PROCA1: variants seen among roughly 807,000 people sequenced by gnomAD.
The protein encoded by PROCA1 is protein PROCA1.
In PROCA1, 22 loss-of-function variants were observed where a neutral mutation model predicts 23.2. The ratio of observed to expected loss-of-function variants is 0.95; its 90% CI spans 0.68 to 1.35. PROCA1 has a LOEUF of 1.35. PROCA1 is among the 40% of genes most tolerant of loss of function. PROCA1 has a pLI of 0.00. For synonymous variants in PROCA1, 182 were observed against 179.2 expected (o/e 1.02, Z -0.12); for missense variants, 469 against 459.8 (o/e 1.02, Z -0.18).
chr17:28,703,547 C>T lies in PROCA1; in HGVS notation c.*11G>A. 6.2e-7 allele frequency: 1 copy of T among 1,608,574 alleles called. No homozygotes were observed. The highest frequency in any genetic ancestry group is 8.5e-7 in the Non-Finnish European group (1 of 1,177,072). The stretch of plus-strand genomic sequence containing the variant: ...CGATGGCATTTATTCTGCACCCTGA[C>T]CACCCTGGCCTCAACTGAGGTTGGG... On this transcript the variant is annotated 3_prime_UTR_variant, in exon 5 of 5. Coordinates refer to ENST00000682792, the MANE Select transcript of PROCA1 (RefSeq NM_001366301.1).
At chr17:28,711,292 C>G in intron 1 of PROCA1, 1 of 595,936 alleles carries the variant, frequency 1.7e-6, no homozygotes, top group Non-Finnish European at 2.6e-6. Flanking sequence ...GCCGAGCGTT[C>G]CAGCTCTGGC....
In PROCA1 at chr17:28,704,159, T is replaced by G; in HGVS notation, c.494A>C (p.His165Pro). ...ATTTAGATCATCTGCCCCACACTCA[T>G]GGTAGAGTGGATGGTGGATCACTGC... ...SVAVIHHPLYHECGADDLNEE... is the reference protein window; with the variant it reads ...SVAVIHHPLYPECGADDLNEE... Residue 165 changes from histidine (H) to proline (P), a missense_variant, in exon 5 of 5, where the codon CAT becomes CCT. Physicochemically the swap from His to Pro is moderately conservative, Grantham distance 77. Transcript: ENST00000682792. 11 of 1,546,674 alleles carry G rather than the reference T, an allele frequency of 7.1e-6. No homozygotes were observed. The highest frequency in any genetic ancestry group is 9.5e-6 in the Non-Finnish European group (11 of 1,151,942).
intron 1 of PROCA1, among the ~76,000 whole-genome samples, chr17:28,708,435 C>T (rs933139391): frequency 6.6e-6 from 1 of 152,206 alleles, no homozygotes; most frequent in Admixed American, 6.5e-5. Flanking sequence ...TTGCTGTCTC[C>T]TCTTGTTTTG....
At chr17:28,708,706 G>C (rs2032636135) in intron 1 of PROCA1, among the ~76,000 whole-genome samples, 1 of 144,244 alleles carries the variant, frequency 6.9e-6, no homozygotes, top group Non-Finnish European at 1.5e-5. Context: ...GGGCAATATA[G>C]CGAGACCCCG....
chr17:28,706,524 C>A, intron 2 of PROCA1, 156 bp downstream of exon 2: 1 of 358,754 alleles, frequency 2.8e-6, no homozygotes, highest in South Asian at 2.2e-5. Flanking sequence ...AGAAAGGGGT[C>A]CCCTCTGGCA....
intron 1 of PROCA1, chr17:28,707,514 TTCTC>T (rs1002950887): frequency 4.6e-5 from 7 of 152,192 alleles, no homozygotes; most frequent in African/African-American, 1.4e-4. Flanking sequence ...CAACCACTGT[TTCTC>T]TCAGCAGATA....
Position 28,704,697 on chromosome 17 carries a change from C to G in PROCA1, c.311+11G>C. The stretch of plus-strand genomic sequence containing the variant: ...CTCTGCCATGGGTCCCCCAAGGGGG[C>G]GGGCCCTCACCTAGAATTACAGTTG... On this transcript the variant is annotated intron_variant, in intron 3 of 4. Transcript: ENST00000682792. 1 of 1,613,570 alleles carries G rather than the reference C, an allele frequency of 6.2e-7. No individual in the cohort carries two copies. Among genetic ancestry groups the G allele is most frequent in the Non-Finnish European group, 8.5e-7 (1 of 1,179,692 alleles).
At chr17:28,708,402 T>G (rs777216041) in intron 1 of PROCA1, among the ~76,000 whole-genome samples, 1 of 152,198 alleles carries the variant, frequency 6.6e-6, no homozygotes, top group Non-Finnish European at 1.5e-5. Flanking sequence ...TCTAACCAGC[T>G]CTTTAGTTCT....
At chr17:28,711,433 C>T in intron 1 of PROCA1, 137 bp downstream of exon 1, 1 of 728,580 alleles carries the variant, frequency 1.4e-6, no homozygotes, top group Non-Finnish European at 2.1e-6. Flanking sequence ...TAGCTCCGCC[C>T]CGGCCCAGCA....
At chr17:28,710,731 T>G (rs1272012064) in intron 1 of PROCA1, 2 of 1,254,160 alleles carry the variant, frequency 1.6e-6, no homozygotes, top group African/African-American at 3.1e-5. Flanking sequence ...CCAGCAGCAG[T>G]CCAGAGTTCC....
intron 2 of PROCA1, 158 bp from the exon 3 acceptor site, chr17:28,705,001 C>G (rs1256264247): frequency 1.5e-6 from 1 of 652,150 alleles, no homozygotes; most frequent in East Asian, 2.8e-5. Context: ...GCAGAGTAAC[C>G]CCATGTCCCA....
intron 1 of PROCA1, among the ~76,000 whole-genome samples, chr17:28,708,563 G>A (rs1473516796): frequency 6.6e-6 from 1 of 151,982 alleles, no homozygotes; most frequent in Non-Finnish European, 1.5e-5. Flanking sequence ...ATCCACCAAT[G>A]AAATGACATA....
intron 1 of PROCA1, among the ~76,000 whole-genome samples, chr17:28,708,731 G>GA (rs557817689): frequency 0.018 from 1,842 of 100,684 alleles, 28 homozygotes; most frequent in Middle Eastern, 0.045. Flanking sequence ...CCAGAAAAAG[G>GA]AAAAAAAAAA....
In PROCA1 at chr17:28,703,845, G is replaced by C. The variant is rs771577797; in HGVS notation, c.808C>G (p.Pro270Ala). The change falls in exon 5 of 5, where the codon CCG (proline) becomes GCG (alanine). Residue 270 changes from proline to alanine, a missense_variant. Transcript: ENST00000682792. Reference protein sequence around the residue: ...KKGQLTKKKSPVKLEPSPPDV... With the variant: ...KKGQLTKKKSAVKLEPSPPDV... ...GGCGGGGAAGGCTCCAATTTAACCG[G>C]GCTTTTCTTCTTAGTCAACTGGCCT... The C allele has an allele frequency of 2.5e-6, 4 of 1,614,060 alleles. No homozygotes were observed. The highest frequency in any genetic ancestry group is 2.2e-5 in the East Asian group (1 of 44,866).
At chr17:28,705,442 G>A (rs1173165840) in intron 2 of PROCA1, 2 of 149,348 alleles carry the variant, frequency 1.3e-5, no homozygotes, top group Non-Finnish European at 2.9e-5. Context: ...CCCCCTTCTT[G>A]ATCCTTTCCC....
At chr17:28,711,159 C>T (rs2032762066) in intron 1 of PROCA1, 1 of 1,176,856 alleles carries the variant, frequency 8.5e-7, no homozygotes, top group Non-Finnish European at 1.1e-6. Flanking sequence ...CTTGGTCCAC[C>T]CTCAGGGTCG....
At chr17:28,710,724 G>C (rs1597742361) in intron 1 of PROCA1, 1 of 1,244,786 alleles carries the variant, frequency 8.0e-7, no homozygotes, top group East Asian at 5.7e-5. Context: ...CCTCTGACCA[G>C]CAGCAGTCCA....
rs1281721547 is a variant in PROCA1, at chr17:28,704,670, G to A, written c.311+38C>T. The A allele has an allele frequency of 1.9e-6, 3 of 1,610,972 alleles. No individual in the cohort carries two copies. The East Asian group carries it at 6.7e-5, about 36-fold the overall frequency. ...GAGACCACAATGAAAGTTCGGACCT[G>A]GCTCTGCCATGGGTCCCCCAAGGGG... On this transcript the variant is annotated intron_variant, in intron 3 of 4. Transcript: ENST00000682792.
Position 28,704,086 on chromosome 17 carries a change from T to G in PROCA1, c.567A>C (p.Thr189=), listed in dbSNP as rs1002209371. The G allele has an allele frequency of 6.3e-7, 1 of 1,591,612 alleles. No individual in the cohort carries two copies. Among genetic ancestry groups the G allele is most frequent in the South Asian group, 1.1e-5 (1 of 87,924 alleles). The change falls in exon 5 of 5, where the codon ACA becomes ACC. Residue 189 remains threonine, a synonymous_variant. Transcript: ENST00000682792. The part of the protein sequence containing the change: ...EEEESKPPIP[T]QVGPATASPD... Reference sequence around the variant, plus strand: ...GGGAGGCGGTGGCGGGCCCCACCTGTGTCGGGATGGGGGGCTTGCTTTCCT... The same window carrying G: ...GGGAGGCGGTGGCGGGCCCCACCTGGGTCGGGATGGGGGGCTTGCTTTCCT...
Sources: allele counts gnomAD v4.1 joint callset (sites outside exome capture counted in the v4.1 genomes callset), GRCh38; gene constraint gnomAD v4.1.1; transcripts MANE v1.5; gene names NCBI Gene and HGNC (gene_info 2026-07-23, HGNC 2026-07-21).